GALNTL6: variants seen among roughly 807,000 people sequenced by gnomAD.
GALNTL6 encodes the protein polypeptide N-acetylgalactosaminyltransferase like 6, also known as polypeptide N-acetylgalactosaminyltransferase-like 6.
GALNTL6 carries 46 observed loss-of-function variants against 73.7 expected under a neutral mutation model. The observed-to-expected ratio is 0.62, with a 90% CI of 0.49 to 0.80. The LOEUF is 0.80. GALNTL6 is among the 30% of genes least tolerant of loss of function. GALNTL6 has a pLI of 0.00. For missense variants in GALNTL6, 604 were observed against 755.0 expected (o/e 0.80, Z 2.34); for synonymous variants, 259 against 263.7 (o/e 0.98, Z 0.17).
intron 12 of GALNTL6, among the ~76,000 whole-genome samples, chr4:173,028,232 T>C (rs1753313251): frequency 1.3e-5 from 2 of 152,156 alleles, no homozygotes; most frequent in Admixed American, 6.5e-5. Flanking sequence ...AAAAAAGTAC[T>C]AAAACATTAT....
chr4:172,144,122 T>TA (rs914849217), intron 2 of GALNTL6, among the ~76,000 whole-genome samples: 7 of 152,276 alleles, frequency 4.6e-5, no homozygotes, highest in African/African-American at 1.4e-4. Context: ...AGCCAGTAGA[T>TA]AAAGGGCTCC....
At position 172,111,114 on chromosome 4, in the gene GALNTL6, T is replaced by C. The variant is rs1202794541; in HGVS notation, c.139-118542T>C. On this transcript the variant is annotated intron_variant, in intron 2 of 12. Coordinates refer to ENST00000506823, the MANE Select transcript of GALNTL6 (RefSeq NM_001034845.3). ...ATCATTAGATAATCACTCAAGGAAT[T>C]TTGTTTCAGCAGCAAAAGAAAATTT... is the stretch of plus-strand genomic sequence containing the variant. Among the ~76,000 whole-genome samples the C allele has an allele frequency of 2.0e-5, 3 of 152,026 alleles. No individual in the cohort carries two copies. The East Asian group carries it at 5.8e-4, about 29-fold the overall frequency.
chr4:172,168,473 A>G (rs1228844790), intron 2 of GALNTL6, among the ~76,000 whole-genome samples: 1 of 152,160 alleles, frequency 6.6e-6, no homozygotes, highest in Non-Finnish European at 1.5e-5. Flanking sequence ...GAGACTATCC[A>G]GTGCGGATGA....
chr4:172,797,603 G>T (rs1740352513), intron 5 of GALNTL6, among the ~76,000 whole-genome samples: 1 of 150,702 alleles, frequency 6.6e-6, no homozygotes, highest in Non-Finnish European at 1.5e-5. Context: ...GCTGAATCAC[G>T]CGACCTCAGC....
intron 2 of GALNTL6, among the ~76,000 whole-genome samples, chr4:172,050,345 T>C (rs1181869455): frequency 2.0e-5 from 3 of 152,158 alleles, no homozygotes; most frequent in Non-Finnish European, 4.4e-5. Flanking sequence ...AGGCAGAAGT[T>C]ACAGGCAAAA....
Position 171,883,402 on chromosome 4 carries a change from G to A in GALNTL6, c.138+68684G>A, listed in dbSNP as rs888848542. 2.6e-5 allele frequency among the ~76,000 whole-genome samples: 4 copies of A among 151,928 alleles called. No individual in the cohort carries two copies. In the East Asian group the frequency reaches 7.7e-4, roughly 29 times the overall value. On this transcript the variant is annotated intron_variant, in intron 2 of 12. Coordinates refer to ENST00000506823, the MANE Select transcript of GALNTL6 (RefSeq NM_001034845.3). Reference sequence around the variant, plus strand: ...AATAAAATACATTACTTTTGGACAGGGAACATGTCTTTTTCAGTTCATTGA... The same window carrying A: ...AATAAAATACATTACTTTTGGACAGAGAACATGTCTTTTTCAGTTCATTGA...
At chr4:171,875,607 T>C (rs540238482) in intron 2 of GALNTL6, among the ~76,000 whole-genome samples, 1 of 152,096 alleles carries the variant, frequency 6.6e-6, no homozygotes, top group Non-Finnish European at 1.5e-5. Context: ...ATTGTTCTTA[T>C]GTATCTCTTA....
chr4:172,497,615 G>C (rs6819285), intron 5 of GALNTL6, among the ~76,000 whole-genome samples: 64,635 of 152,108 alleles, frequency 0.42, 16,542 homozygotes, highest in South Asian at 0.67. Context: ...ATACAGAGCA[G>C]ATGTAGTATT....
At chr4:172,839,321 A>G (rs1743078025) in intron 7 of GALNTL6, among the ~76,000 whole-genome samples, 1 of 152,226 alleles carries the variant, frequency 6.6e-6, no homozygotes. Flanking sequence ...TTCTCAGACA[A>G]TATTAAATCT....
intron 5 of GALNTL6, among the ~76,000 whole-genome samples, chr4:172,756,648 AAAAG>A (rs1560930895): frequency 6.6e-6 from 1 of 152,168 alleles, no homozygotes; most frequent in African/African-American, 2.4e-5. Flanking sequence ...TAAAAAAAAA[AAAAG>A]AAAGCAGATG....
intron 5 of GALNTL6, among the ~76,000 whole-genome samples, chr4:172,693,319 T>C (rs1297959111): frequency 6.6e-6 from 1 of 152,196 alleles, no homozygotes; most frequent in African/African-American, 2.4e-5. Context: ...ATCAGTAAGT[T>C]ATTAATTTCT....
intron 2 of GALNTL6, among the ~76,000 whole-genome samples, chr4:171,938,943 C>G (rs542157997): frequency 6.6e-6 from 1 of 152,080 alleles, no homozygotes; most frequent in East Asian, 1.9e-4. Flanking sequence ...ATAAGGTTTA[C>G]TGGTTTATAA....
intron 2 of GALNTL6, among the ~76,000 whole-genome samples, chr4:172,128,237 A>G (rs1733360194): frequency 6.6e-6 from 1 of 152,240 alleles, no homozygotes; most frequent in African/African-American, 2.4e-5. Flanking sequence ...AGTCATGGAA[A>G]TTAAAAGGCA....
Position 171,859,093 on chromosome 4 carries a change from A to G in GALNTL6, c.138+44375A>G, listed in dbSNP as rs72983823. 9.7e-3 allele frequency among the ~76,000 whole-genome samples: 1,476 copies of G among 152,180 alleles called. 18 individuals carry two copies. The highest frequency in any genetic ancestry group is 0.029 in the African/African-American group (1,223 of 41,538). ...ACTCAGGAACTTTAATTTTGAGAAT[A>G]CCTCTCAATGTCAAATGATCTTCAA... is the stretch of plus-strand genomic sequence containing the variant. On this transcript the variant is annotated intron_variant, in intron 2 of 12. Transcript: ENST00000506823.
At chr4:172,410,358 T>G (rs970699714) in intron 5 of GALNTL6, among the ~76,000 whole-genome samples, 2 of 152,062 alleles carry the variant, frequency 1.3e-5, no homozygotes, top group African/African-American at 4.8e-5. Context: ...TTATATAATT[T>G]TTTAATTTAA....
intron 2 of GALNTL6, among the ~76,000 whole-genome samples, chr4:172,227,870 T>A (rs1736922252): frequency 6.6e-6 from 1 of 152,208 alleles, no homozygotes; most frequent in Non-Finnish European, 1.5e-5. Flanking sequence ...CAGAGAGAGC[T>A]TAAACGCTGG....
chr4:172,215,660 A>G (rs1435329555), intron 2 of GALNTL6, among the ~76,000 whole-genome samples: 2 of 152,076 alleles, frequency 1.3e-5, no homozygotes, highest in African/African-American at 4.8e-5. Flanking sequence ...ATGTTTTTAT[A>G]TCCACTCTAA....
At position 172,813,587 on chromosome 4, in the gene GALNTL6, G is replaced by C. The variant is rs1404437836; in HGVS notation, c.787G>C (p.Val263Leu). ...AACCATCGTGTGTCCCATGATCGAT[G>C]TCATTGACCACAATCACTTCGGGTA... ...HKTIVCPMID[V>L]IDHNHFGYEA... The change falls in exon 7 of 13, where the codon GTC (valine) becomes CTC (leucine). Residue 263 changes from valine to leucine, a missense_variant. Physicochemically the swap from Val to Leu is conservative, Grantham distance 32 (BLOSUM62 1). This residue lies in a region of GALNTL6 where 179 missense variants were observed against 230.8 expected (regional missense o/e 0.78). Coordinates refer to ENST00000506823, the MANE Select transcript of GALNTL6 (RefSeq NM_001034845.3). 1 of 1,612,632 alleles carries C rather than the reference G, an allele frequency of 6.2e-7. No individual in the cohort carries two copies.
At chr4:171,867,687 A>C (rs529378699) in intron 2 of GALNTL6, among the ~76,000 whole-genome samples, 1 of 152,338 alleles carries the variant, frequency 6.6e-6, no homozygotes, top group Non-Finnish European at 1.5e-5. Flanking sequence ...CCCTGCTTAA[A>C]ATTCCATGTG....
Sources: allele counts gnomAD v4.1 joint callset (sites outside exome capture counted in the v4.1 genomes callset), GRCh38; gene constraint gnomAD v4.1.1; regional missense constraint gnomAD v4.1.1; transcripts MANE v1.5; gene names NCBI Gene and HGNC (gene_info 2026-07-23, HGNC 2026-07-21).